The following CDKAL1 variants were observed in gnomAD, a reference collection of about 807,000 sequenced individuals.
The protein encoded by CDKAL1 is CDKAL1 threonylcarbamoyladenosine tRNA methylthiotransferase.
A neutral mutation model predicts 68.2 loss-of-function variants in CDKAL1; 32 were observed. The ratio of observed to expected loss-of-function variants is 0.47; its 90% CI spans 0.35 to 0.63. The LOEUF (loss-of-function observed/expected upper bound fraction) is 0.63. Ranked by LOEUF, CDKAL1 falls within the 30% of genes least tolerant of loss-of-function variation. The probability of loss-of-function intolerance (pLI) is 0.00; values close to 1 mark genes in which losing one functional copy is unlikely to be tolerated. For missense variants in CDKAL1, 606 were observed against 696.7 expected (o/e 0.87, Z 1.47); for synonymous variants, 234 against 244.3 (o/e 0.96, Z 0.39).
intron 9 of CDKAL1, among the ~76,000 whole-genome samples, chr6:20,925,529 A>G (rs886892557): frequency 1.3e-5 from 2 of 152,192 alleles, no homozygotes; most frequent in Non-Finnish European, 2.9e-5. Flanking sequence ...TGCTTAATAA[A>G]CTATTAAGGT....
intron 5 of CDKAL1, among the ~76,000 whole-genome samples, chr6:20,735,800 A>G (rs1402214311): frequency 2.0e-5 from 3 of 152,156 alleles, no homozygotes; most frequent in Non-Finnish European, 4.4e-5. Context: ...ATTAAGTGCT[A>G]TGTAAGTGCT....
In CDKAL1 at chr6:21,065,031, G is replaced by A. The variant is rs1211141965; in HGVS notation, c.1056-17G>A. 2.0e-6 allele frequency: 3 copies of A among 1,490,438 alleles called. No individual in the cohort carries two copies. Among genetic ancestry groups the A allele is most frequent in the East Asian group, 2.4e-5 (1 of 41,616 alleles). 92.3% of individuals were successfully genotyped at this position (1,490,438 alleles called of 1,614,324 possible). A position where few individuals can be genotyped will look rare whatever the true frequency, so the allele number is the denominator to read the frequency against. On this transcript the variant is annotated splice_polypyrimidine_tract_variant and intron_variant, in intron 11 of 15. Transcript: ENST00000274695. ...CTTATAGTCAAGTTTTTACATTTTT[G>A]TCTTGTTATTTTCTAGAGTTCCTGG...
chr6:20,612,210 C>A (rs959451450), intron 4 of CDKAL1, among the ~76,000 whole-genome samples: 1 of 152,156 alleles, frequency 6.6e-6, no homozygotes, highest in Non-Finnish European at 1.5e-5. Context: ...CTGCAGTGAA[C>A]ATGGAAGTGC....
At chr6:21,125,907 C>T (rs1419695683) in intron 13 of CDKAL1, among the ~76,000 whole-genome samples, 1 of 152,144 alleles carries the variant, frequency 6.6e-6, no homozygotes, top group Admixed American at 6.5e-5. Flanking sequence ...TGTGTCTCCC[C>T]TAGATAACTG....
chr6:20,842,443 G>C (rs1342632468), intron 8 of CDKAL1, among the ~76,000 whole-genome samples: 1 of 152,136 alleles, frequency 6.6e-6, no homozygotes, highest in Non-Finnish European at 1.5e-5. Flanking sequence ...GTGCTCTTAA[G>C]AAATTTTTAC....
At chr6:21,067,176 C>T (rs1771501577) in intron 12 of CDKAL1, among the ~76,000 whole-genome samples, 1 of 152,016 alleles carries the variant, frequency 6.6e-6, no homozygotes, top group Non-Finnish European at 1.5e-5. Flanking sequence ...CACACAGGTC[C>T]CTGTCATGTC....
chr6:20,987,982 C>T (rs1766568836), intron 10 of CDKAL1, among the ~76,000 whole-genome samples: 1 of 149,970 alleles, frequency 6.7e-6, no homozygotes. Context: ...CATGGGGTCC[C>T]ACTAGTTGCC....
chr6:20,719,685 T>G (rs184443170), intron 5 of CDKAL1, among the ~76,000 whole-genome samples: 12 of 152,260 alleles, frequency 7.9e-5, no homozygotes, highest in African/African-American at 2.6e-4. Flanking sequence ...CACAGAAATG[T>G]ATAGTTTAGC....
chr6:21,085,385 G>A (rs1772635574), intron 12 of CDKAL1, among the ~76,000 whole-genome samples: 1 of 152,162 alleles, frequency 6.6e-6, no homozygotes, highest in African/African-American at 2.4e-5. Context: ...GATGACTCCT[G>A]GGTGCTCCTT....
intron 5 of CDKAL1, among the ~76,000 whole-genome samples, chr6:20,659,862 G>T (rs76018488): frequency 6.6e-6 from 1 of 151,904 alleles, no homozygotes; most frequent in Non-Finnish European, 1.5e-5. Flanking sequence ...GTGTAACAAG[G>T]GTTTTTAAAA....
intron 9 of CDKAL1, among the ~76,000 whole-genome samples, chr6:20,952,848 G>A (rs1049115120): frequency 1.6e-4 from 25 of 152,220 alleles, no homozygotes; most frequent in Non-Finnish European, 2.9e-4. Context: ...CAGGCATGGG[G>A]ATTCCACATT....
At chr6:20,679,679 C>T (rs775815027) in intron 5 of CDKAL1, among the ~76,000 whole-genome samples, 2 of 152,164 alleles carry the variant, frequency 1.3e-5, no homozygotes, top group Non-Finnish European at 1.5e-5. Flanking sequence ...ATTATTCATA[C>T]TTTTATTGAA....
chr6:20,607,372 T>C (rs1421639213), intron 4 of CDKAL1, among the ~76,000 whole-genome samples: 5 of 152,244 alleles, frequency 3.3e-5, no homozygotes, highest in Non-Finnish European at 1.5e-5. Flanking sequence ...TAATTACACA[T>C]TCTTTTAAAT....
intron 13 of CDKAL1, among the ~76,000 whole-genome samples, chr6:21,169,249 C>T (rs1316382725): frequency 1.3e-5 from 2 of 152,184 alleles, no homozygotes; most frequent in African/African-American, 4.8e-5. Context: ...CCACCAAAAA[C>T]CTGTGTGATT....
chr6:20,875,974 T>C (rs1214820438), intron 9 of CDKAL1, among the ~76,000 whole-genome samples: 2 of 152,210 alleles, frequency 1.3e-5, no homozygotes. Context: ...TTTTAACAGA[T>C]AAACATTAAT....
chr6:20,827,994 G>C (rs1561811100), intron 8 of CDKAL1, among the ~76,000 whole-genome samples: 1 of 152,120 alleles, frequency 6.6e-6, no homozygotes, highest in Non-Finnish European at 1.5e-5. Context: ...CTGAGAAATG[G>C]TGTGTAGGCA....
chr6:20,712,609 A>G (rs1204799814), intron 5 of CDKAL1, among the ~76,000 whole-genome samples: 1 of 152,080 alleles, frequency 6.6e-6, no homozygotes, highest in Non-Finnish European at 1.5e-5. Context: ...TATAACAACT[A>G]ATGTTCAAAA....
intron 9 of CDKAL1, among the ~76,000 whole-genome samples, chr6:20,920,413 G>A (rs1488273797): frequency 5.3e-5 from 8 of 152,158 alleles, no homozygotes; most frequent in African/African-American, 1.9e-4. Flanking sequence ...TCAGTGAAGT[G>A]AATAGAATAA....
intron 5 of CDKAL1, among the ~76,000 whole-genome samples, chr6:20,657,070 G>A (rs1311980591): frequency 6.6e-6 from 1 of 151,754 alleles, no homozygotes; most frequent in African/African-American, 2.4e-5. Context: ...ATCTTTCAGT[G>A]ATGGATTACT....
Sources: allele counts gnomAD v4.1 joint callset (sites outside exome capture counted in the v4.1 genomes callset), GRCh38; gene constraint gnomAD v4.1.1; transcripts MANE v1.5; gene names NCBI Gene and HGNC (gene_info 2026-07-23, HGNC 2026-07-21).